Variants in OTUD7A observed in about 807,000 individuals in gnomAD.
OTUD7A encodes the protein OTU deubiquitinase 7A.
In OTUD7A, 12 loss-of-function variants were observed where a neutral mutation model predicts 65.7. That is an observed-to-expected ratio of 0.18 (90% CI 0.12 to 0.30). The LOEUF (loss-of-function observed/expected upper bound fraction) is 0.30, where lower values mean the gene tolerates loss of function less well. Ranked by LOEUF, OTUD7A falls within the 10% of genes least tolerant of loss-of-function variation. The pLI is 1.00. For synonymous variants in OTUD7A, 641 were observed against 586.3 expected (o/e 1.09, Z -1.35); for missense variants, 1,148 against 1,304.8 (o/e 0.88, Z 1.85).
intron 3 of OTUD7A, among the ~76,000 whole-genome samples, chr15:31,590,096 T>C (rs560477949): frequency 2.0e-4 from 30 of 152,284 alleles, no homozygotes; most frequent in Middle Eastern, 3.4e-3. Context: ...CACAAGAGTA[T>C]AGTGGAGCTG....
At chr15:31,577,088 G>T (rs889339436) in intron 3 of OTUD7A, among the ~76,000 whole-genome samples, 2 of 152,052 alleles carry the variant, frequency 1.3e-5, no homozygotes, top group Admixed American at 1.3e-4. Flanking sequence ...AGACTCTAAA[G>T]GAAATCAAAT....
chr15:31,601,656 A>T lies in OTUD7A; in HGVS notation c.152-31459T>A, dbSNP rs561968130. The stretch of plus-strand genomic sequence containing the variant: ...AGACACAAAAAACCCTTTAAAAAAA[A>T]TCAATGAATCCAGGAGCTAGTTTTT... On this transcript the variant is annotated intron_variant, in intron 3 of 12. Coordinates refer to ENST00000307050, the MANE Select transcript of OTUD7A (RefSeq NM_001382637.1). 2.9e-3 allele frequency among the ~76,000 whole-genome samples: 441 copies of T among 152,328 alleles called. 5 individuals are homozygous for T. The highest frequency in any genetic ancestry group is 0.01 in the African/African-American group (427 of 41,588).
chr15:31,763,503 G>GA (rs1463942721), intron 1 of OTUD7A, among the ~76,000 whole-genome samples: 1 of 151,634 alleles, frequency 6.6e-6, no homozygotes, highest in Non-Finnish European at 1.5e-5. Flanking sequence ...ACATCGGAGA[G>GA]AAAAAAATGA....
chr15:31,709,880 T>C (rs951414227), intron 1 of OTUD7A, among the ~76,000 whole-genome samples: 10 of 152,270 alleles, frequency 6.6e-5, no homozygotes, highest in African/African-American at 2.4e-4. Flanking sequence ...AATGCTTCCA[T>C]AGTTTATTGT....
At chr15:31,845,395 G>A (rs1488626524) in intron 1 of OTUD7A, among the ~76,000 whole-genome samples, 1 of 152,180 alleles carries the variant, frequency 6.6e-6, no homozygotes, top group Non-Finnish European at 1.5e-5. Flanking sequence ...AGTAGGTAGG[G>A]TGCACACTCG....
chr15:31,717,392 C>G (rs12906145), intron 1 of OTUD7A, among the ~76,000 whole-genome samples: 56 of 152,114 alleles, frequency 3.7e-4, no homozygotes, highest in African/African-American at 1.4e-3. Context: ...CCTCCCCTCG[C>G]CCCCCAGTTC....
At chr15:31,783,939 G>T (rs1296456573) in intron 1 of OTUD7A, among the ~76,000 whole-genome samples, 1 of 152,138 alleles carries the variant, frequency 6.6e-6, no homozygotes, top group Non-Finnish European at 1.5e-5. Context: ...GAAACTTCTT[G>T]TATCTACTAC....
intron 5 of OTUD7A, among the ~76,000 whole-genome samples, chr15:31,542,519 A>C (rs2141136564): frequency 6.6e-6 from 1 of 152,208 alleles, no homozygotes. Context: ...GAGACATAAG[A>C]ATAGACTGAA....
At chr15:31,811,887 G>A (rs1474393798) in intron 1 of OTUD7A, among the ~76,000 whole-genome samples, 1 of 152,222 alleles carries the variant, frequency 6.6e-6, no homozygotes. Context: ...GCAACAGTGA[G>A]CATTCACTCA....
At chr15:31,686,119 T>A (rs1436631619) in intron 1 of OTUD7A, among the ~76,000 whole-genome samples, 1 of 152,180 alleles carries the variant, frequency 6.6e-6, no homozygotes, top group Non-Finnish European at 1.5e-5. Context: ...GAACCCACAC[T>A]GGGGAACACA....
At chr15:31,771,253 TTC>T (rs1895227092) in intron 1 of OTUD7A, among the ~76,000 whole-genome samples, 1 of 152,208 alleles carries the variant, frequency 6.6e-6, no homozygotes, top group Admixed American at 6.5e-5. Flanking sequence ...GCTGCTTATG[TTC>T]TGTTTCTTGG....
At chr15:31,626,904 T>C (rs1890972190) in intron 3 of OTUD7A, among the ~76,000 whole-genome samples, 1 of 141,616 alleles carries the variant, frequency 7.1e-6, no homozygotes, top group African/African-American at 2.8e-5. Context: ...GTTTTGTTTT[T>C]TTGTTTTTAT....
intron 1 of OTUD7A, among the ~76,000 whole-genome samples, chr15:31,775,872 A>G (rs980391508): frequency 6.6e-6 from 1 of 152,196 alleles, no homozygotes; most frequent in African/African-American, 2.4e-5. Flanking sequence ...GAGAGCCTTG[A>G]TTTCTCAAAT....
At chr15:31,797,758 G>A (rs1896008096) in intron 1 of OTUD7A, among the ~76,000 whole-genome samples, 1 of 152,224 alleles carries the variant, frequency 6.6e-6, no homozygotes, top group African/African-American at 2.4e-5. Flanking sequence ...TATTGCCACT[G>A]CCCCAACGAG....
At chr15:31,530,347 T>C (rs548813281) in intron 6 of OTUD7A, among the ~76,000 whole-genome samples, 25 of 152,356 alleles carry the variant, frequency 1.6e-4, no homozygotes, top group African/African-American at 4.8e-4. Flanking sequence ...CTGCCTGCAA[T>C]GCCCTCTTCT....
Position 31,479,060 on chromosome 15 carries a change from T to TA in OTUD7A, c.*4233dup, listed in dbSNP as rs2041071298. The TA allele has an allele frequency of 6.6e-6, 1 of 152,228 alleles. No individual in the cohort carries two copies. The allele number at this position is 152,228 out of a possible 1,614,324, so 9.4% of individuals were successfully genotyped here. A position where few individuals can be genotyped will look rare whatever the true frequency, so the allele number is the denominator to read the frequency against. On this transcript the variant is annotated 3_prime_UTR_variant, in exon 13 of 13. Transcript: ENST00000307050. ...ACACTAAAACAGGCCAGCTAGAGTT[T>TA]AGAGTCAGGAGTAAATGGGAAGGTG...
At chr15:31,553,527 A>G (rs1440031765) in intron 5 of OTUD7A, among the ~76,000 whole-genome samples, 1 of 151,952 alleles carries the variant, frequency 6.6e-6, no homozygotes, top group African/African-American at 2.4e-5. Flanking sequence ...CAGCAACTTT[A>G]CAAGTCTCAC....
At chr15:31,581,569 G>A (rs916295356) in intron 3 of OTUD7A, among the ~76,000 whole-genome samples, 2 of 152,218 alleles carry the variant, frequency 1.3e-5, no homozygotes, top group Non-Finnish European at 2.9e-5. Context: ...CTCACTTCTT[G>A]ACTTCTGTGC....
chr15:31,605,536 T>TA (rs996712850), intron 3 of OTUD7A, among the ~76,000 whole-genome samples: 3 of 152,170 alleles, frequency 2.0e-5, no homozygotes, highest in African/African-American at 7.2e-5. Flanking sequence ...TGGCTCCAAC[T>TA]AACAGCATGG....
Sources: gnomAD v4.1 joint callset for allele counts (sites outside exome capture counted in the v4.1 genomes callset) on GRCh38, gnomAD v4.1.1 for gene constraint, MANE v1.5 for transcripts, NCBI Gene and HGNC (gene_info 2026-07-23, HGNC 2026-07-21) for gene names.